Variants in TDRD12 observed in about 807,000 individuals in gnomAD.
TDRD12 encodes the protein putative ATP-dependent RNA helicase TDRD12.
A neutral mutation model predicts 133.5 loss-of-function variants in TDRD12; 158 were observed. That is an observed-to-expected ratio of 1.18 (90% CI 1.04 to 1.35). The LOEUF is 1.35. TDRD12 is among the 40% of genes most tolerant of loss of function. The pLI, the probability that TDRD12 is intolerant of heterozygous loss-of-function variation, is 0.00. For synonymous variants in TDRD12, 460 were observed against 477.9 expected, an observed-to-expected ratio of 0.96 and a Z score of 0.49; for missense variants, 1,443 against 1,321.3, an observed-to-expected ratio of 1.09 and a Z score of -1.43.
intron 1 of TDRD12, among the ~76,000 whole-genome samples, chr19:32,728,572 C>T (rs1003609147): frequency 4.6e-5 from 7 of 151,528 alleles, no homozygotes; most frequent in African/African-American, 1.7e-4. Flanking sequence ...CAGTCTTTTT[C>T]CTGTCTTACT....
chr19:32,794,557 T>C, intron 13 of TDRD12, 71 bp from the exon 14 acceptor site: 1 of 660,364 alleles, frequency 1.5e-6, no homozygotes, highest in Non-Finnish European at 2.7e-6. Context: ...TGGGGTGAAA[T>C]GAGCCATGCA....
exon 8 of TDRD12, chr19:32,826,277 A>G (rs563154749): frequency 6.0e-5 from 87 of 1,457,660 alleles, no homozygotes; most frequent in Non-Finnish European, 7.6e-5. Flanking sequence ...TCCAAAAAGA[A>G]GATGTCGTCA....
chr19:32,789,968 C>T (rs537327510), intron 11 of TDRD12, among the ~76,000 whole-genome samples: 2 of 152,118 alleles, frequency 1.3e-5, no homozygotes, highest in East Asian at 1.9e-4. Context: ...CACCACTGTA[C>T]TCCAGCCTGA....
intron 11 of TDRD12, among the ~76,000 whole-genome samples, chr19:32,777,845 ATATATATATATATTTTTTTTT>A (rs1970644259): frequency 6.9e-5 from 1 of 14,590 alleles, no homozygotes; most frequent in African/African-American, 3.0e-4. Context: ...ATATATATAT[ATATATATATATATTTTTTTTT>A]TTTTTTTTTT....
At chr19:32,731,436 A>G (rs892374423) in intron 1 of TDRD12, among the ~76,000 whole-genome samples, 1 of 152,072 alleles carries the variant, frequency 6.6e-6, no homozygotes, top group African/African-American at 2.4e-5. Context: ...CAAAAGTACT[A>G]AAAACATTGC....
In TDRD12 at chr19:32,798,446, CT is replaced by C. The variant is rs1971293745; in HGVS notation, c.1758+13del. On this transcript the variant is annotated intron_variant, in intron 16 of 27. Coordinates refer to ENST00000444215, the Ensembl canonical transcript of TDRD12. Reference sequence around the variant, plus strand: ...GAAGCCAATGAACAGGTGAGCGTGGCTTAAGGTCCTCAGCACTCAGAAGAGA... The same window carrying C: ...GAAGCCAATGAACAGGTGAGCGTGGCTAAGGTCCTCAGCACTCAGAAGAGA... The C allele has an allele frequency of 1.3e-6, 2 of 1,527,502 alleles. No individual in the cohort carries two copies. Among genetic ancestry groups the C allele is most frequent in the Non-Finnish European group, 1.8e-6 (2 of 1,139,966 alleles). The allele number at this position is 1,527,502 out of a possible 1,614,324, so 94.6% of individuals were successfully genotyped here.
intron 11 of TDRD12, among the ~76,000 whole-genome samples, chr19:32,780,477 A>G (rs936987383): frequency 1.3e-5 from 2 of 152,164 alleles, no homozygotes; most frequent in African/African-American, 4.8e-5. Context: ...CCTTCACACA[A>G]ACTGCTGAGT....
intron 9 of TDRD12, chr19:32,826,722 T>C (rs747652784): frequency 1.2e-5 from 15 of 1,232,316 alleles, no homozygotes; most frequent in Non-Finnish European, 1.4e-5. Context: ...CTGGGAAGAC[T>C]GTGAAGAGGA....
At chr19:32,804,099 G>A (rs1471126252) in intron 21 of TDRD12, among the ~76,000 whole-genome samples, 1 of 151,758 alleles carries the variant, frequency 6.6e-6, no homozygotes, top group Non-Finnish European at 1.5e-5. Flanking sequence ...TTGAGATGGA[G>A]TTTCACTCTG....
intron 1 of TDRD12, among the ~76,000 whole-genome samples, chr19:32,729,778 CTTTTT>C (rs1162347194): frequency 1.4e-5 from 1 of 73,684 alleles, no homozygotes; most frequent in African/African-American, 5.8e-5. Context: ...TTTTCTTTTT[CTTTTT>C]TTTTTTTTTT....
In TDRD12 at chr19:32,751,848, C is replaced by G. The variant is rs139197600; in HGVS notation, c.582+1979C>G. Among the ~76,000 whole-genome samples the G allele has an allele frequency of 1.6e-3, 244 of 152,116 alleles. 1 individual carries two copies. The highest frequency in any genetic ancestry group is 5.3e-3 in the African/African-American group (221 of 41,498). ...CAGGTGTGAGCCACCACACCCAGCA[C>G]CTTCTGCATTTTTAATTTTTATTAT... On this transcript the variant is annotated intron_variant, in intron 6 of 27. Coordinates refer to ENST00000444215, the Ensembl canonical transcript of TDRD12.
chr19:32,772,692 C>A, intron 8 of TDRD12, 61 bp from the exon 9 acceptor site: 1 of 967,240 alleles, frequency 1.0e-6, no homozygotes, highest in Non-Finnish European at 1.5e-6. Flanking sequence ...TCCTTTTTAT[C>A]CTATTTTCTA....
intron 18 of TDRD12, among the ~76,000 whole-genome samples, chr19:32,801,169 C>T (rs796825148): frequency 1.4e-5 from 2 of 147,806 alleles, no homozygotes; most frequent in African/African-American, 5.0e-5. Context: ...AGTTCAAGAC[C>T]AGCCTGGGCA....
At position 32,813,674 on chromosome 19, in the gene TDRD12, C is replaced by T; in HGVS notation, c.3049-10C>T. The T allele has an allele frequency of 6.7e-7, 1 of 1,487,198 alleles. No homozygotes were observed. The highest frequency in any genetic ancestry group is 9.0e-7 in the Non-Finnish European group (1 of 1,106,732). The allele number at this position is 1,487,198 out of a possible 1,614,324, so 92.1% of individuals were successfully genotyped here. On this transcript the variant is annotated splice_polypyrimidine_tract_variant and intron_variant, in intron 24 of 27. Coordinates refer to ENST00000444215, the Ensembl canonical transcript of TDRD12. ...GCCTCACCTAAAATAATGTTAAGTG[C>T]TTTTTTCAGGTTACTAGGTACATTC...
intron 27 of TDRD12, among the ~76,000 whole-genome samples, chr19:32,819,364 T>A (rs989430108): frequency 6.6e-6 from 1 of 152,070 alleles, no homozygotes; most frequent in Admixed American, 6.6e-5. Flanking sequence ...TAAAGTTTTT[T>A]AGTTTTTTAC....
chr19:32,758,103 T>C (rs1257354813), intron 8 of TDRD12, among the ~76,000 whole-genome samples: 1 of 152,148 alleles, frequency 6.6e-6, no homozygotes, highest in African/African-American at 2.4e-5. Flanking sequence ...ATAGATTGTA[T>C]CCGCATTTGG....
At position 32,791,076 on chromosome 19, in the gene TDRD12, T is replaced by G. The variant is rs543062374; in HGVS notation, c.1287+8T>G. On this transcript the variant is annotated splice_region_variant and intron_variant, in intron 13 of 27. Transcript: ENST00000444215. Reference sequence around the variant, plus strand: ...TCAGCAGACCTGAAGAAGGTAAAAGTGCTCGTAAAACTGAATTTATCAAGA... The same window carrying G: ...TCAGCAGACCTGAAGAAGGTAAAAGGGCTCGTAAAACTGAATTTATCAAGA... 3.5e-4 allele frequency: 535 copies of G among 1,525,342 alleles called. 4 individuals carry two copies. In the African/African-American group the frequency reaches 6.8e-3, roughly 19 times the overall value. 94.5% of individuals were successfully genotyped at this position (1,525,342 alleles called of 1,614,324 possible).
At chr19:32,826,116 C>G, downstream of TDRD12, 2 of 1,535,836 alleles carry the variant, frequency 1.3e-6, no homozygotes, top group Non-Finnish European at 1.7e-6. Context: ...TCTGGAAACA[C>G]TGAAGGTGCC....
At chr19:32,723,333 C>T (rs1968750860) in intron 1 of TDRD12, among the ~76,000 whole-genome samples, 1 of 151,426 alleles carries the variant, frequency 6.6e-6, no homozygotes, top group Admixed American at 6.6e-5. Flanking sequence ...ACAGTGCAAG[C>T]TCTGCCTCCC....
Sources: gnomAD v4.1 joint callset for allele counts (sites outside exome capture counted in the v4.1 genomes callset) on GRCh38, gnomAD v4.1.1 for gene constraint, MANE v1.5 for transcripts, NCBI Gene and HGNC (gene_info 2026-07-23, HGNC 2026-07-21) for gene names.